The following ACAD11 variants were observed in gnomAD, a reference collection of about 807,000 sequenced individuals.
ACAD11 encodes the protein acyl-CoA dehydrogenase family member 11.
A neutral mutation model predicts 102.2 loss-of-function variants in ACAD11; 83 were observed. The observed-to-expected ratio is 0.81, with a 90% CI of 0.68 to 0.97. ACAD11 has a LOEUF of 0.97. ACAD11 is among the 50% of genes least tolerant of loss of function. The pLI is 0.00. For synonymous variants in ACAD11, 324 were observed against 319.8 expected (o/e 1.01, Z -0.14); for missense variants, 901 against 951.7 (o/e 0.95, Z 0.70).
intron 14 of ACAD11, 93 bp from the exon 15 acceptor site, chr3:132,578,974 T>C: frequency 6.4e-7 from 1 of 1,557,540 alleles, no homozygotes; most frequent in Non-Finnish European, 8.7e-7. Context: ...TTTGATGTTT[T>C]CATGTAGTCA....
chr3:132,567,679 T>C (rs1937254819), intron 17 of ACAD11, among the ~76,000 whole-genome samples: 1 of 152,168 alleles, frequency 6.6e-6, no homozygotes, highest in Non-Finnish European at 1.5e-5. Flanking sequence ...CCAAACTATA[T>C]GTTATTTAGA....
chr3:132,653,138 G>A (rs1937616145), intron 1 of ACAD11, among the ~76,000 whole-genome samples: 1 of 152,158 alleles, frequency 6.6e-6, no homozygotes, highest in African/African-American at 2.4e-5. Context: ...TCAAATTCAT[G>A]ACCTCAGCAA....
chr3:132,589,837 G>T (rs1200391666), intron 13 of ACAD11, among the ~76,000 whole-genome samples: 1 of 152,126 alleles, frequency 6.6e-6, no homozygotes, highest in Admixed American at 6.5e-5. Context: ...GTACCCAATT[G>T]TTATCTTTTC....
chr3:132,577,877 GT>G (rs1428774806), intron 15 of ACAD11, among the ~76,000 whole-genome samples: 1 of 152,102 alleles, frequency 6.6e-6, no homozygotes, highest in Non-Finnish European at 1.5e-5. Flanking sequence ...CTTTGCGGCC[GT>G]TTCGCTGCAA....
chr3:132,583,409 T>G (rs889312383), intron 13 of ACAD11, among the ~76,000 whole-genome samples: 16 of 152,198 alleles, frequency 1.1e-4, no homozygotes, highest in Admixed American at 1.3e-4. Context: ...CCCTTTATCA[T>G]TTTTTATTGC....
At position 132,558,154 on chromosome 3, in the gene ACAD11, T is replaced by G. The variant is rs1161546370; in HGVS notation, c.*817A>C. On this transcript the variant is annotated 3_prime_UTR_variant, in exon 20 of 20. Transcript: ENST00000264990. Reference sequence around the variant, plus strand: ...ATTACAAAATTGTAAGGACCAGATATAGCCTTTAATTCCTAATGTTCAAAA... The same window carrying G: ...ATTACAAAATTGTAAGGACCAGATAGAGCCTTTAATTCCTAATGTTCAAAA... 1 of 152,126 alleles carries G rather than the reference T, an allele frequency of 6.6e-6. No homozygotes were observed. The highest frequency in any genetic ancestry group is 2.4e-5 in the African/African-American group (1 of 41,460). The allele number at this position is 152,126 out of a possible 1,614,324, so 9.4% of individuals were successfully genotyped here.
chr3:132,618,765 G>A lies in ACAD11; in HGVS notation c.1283C>T (p.Ala428Val), dbSNP rs764239731. 6.3e-7 allele frequency: 1 copy of A among 1,588,874 alleles called. No individual in the cohort carries two copies. The highest frequency in any genetic ancestry group is 1.2e-5 in the South Asian group (1 of 86,412). Residue 428 changes from alanine to valine, a missense_variant, in exon 11 of 20, where the codon GCC becomes GTC. By Grantham distance (64) the Ala-to-Val change is moderately conservative (BLOSUM62 0). Coordinates refer to ENST00000264990, the MANE Select transcript of ACAD11 (RefSeq NM_032169.5). ...PLVIDKLKEM[A>V]KVEGLWNLFL... The stretch of plus-strand genomic sequence containing the variant: ...CAAGTTCCAGAGACCCTCGACTTTG[G>A]CCATTTCCTGTCAAGGTGATGAACA...
intron 5 of ACAD11, among the ~76,000 whole-genome samples, chr3:132,638,480 G>A (rs1940357770): frequency 6.6e-6 from 1 of 152,132 alleles, no homozygotes; most frequent in South Asian, 2.1e-4. Flanking sequence ...TTATGAGATG[G>A]AAATAGTTGC....
chr3:132,604,461 T>C (rs748929889), intron 12 of ACAD11, among the ~76,000 whole-genome samples: 9 of 152,216 alleles, frequency 5.9e-5, no homozygotes, highest in Non-Finnish European at 8.8e-5. Context: ...ATGTATGCTA[T>C]GTTATACAAA....
At chr3:132,609,246 C>G (rs972879004) in intron 11 of ACAD11, among the ~76,000 whole-genome samples, 1 of 151,898 alleles carries the variant, frequency 6.6e-6, no homozygotes, top group Non-Finnish European at 1.5e-5. Flanking sequence ...AGAAGCAAGC[C>G]AAACAAATTC....
chr3:132,636,792 G>A (rs918150401), intron 5 of ACAD11, among the ~76,000 whole-genome samples: 7 of 152,080 alleles, frequency 4.6e-5, no homozygotes, highest in Admixed American at 4.6e-4. Context: ...GGACGAAAAT[G>A]TCTTCAACAA....
At chr3:132,574,193 A>G (rs1421757182) in intron 17 of ACAD11, among the ~76,000 whole-genome samples, 1 of 152,154 alleles carries the variant, frequency 6.6e-6, no homozygotes, top group Non-Finnish European at 1.5e-5. Flanking sequence ...TGTCGACTTT[A>G]CTGTGTCCTC....
chr3:132,580,823 G>A (rs1430732776), intron 13 of ACAD11, among the ~76,000 whole-genome samples: 1 of 151,850 alleles, frequency 6.6e-6, no homozygotes, highest in Non-Finnish European at 1.5e-5. Flanking sequence ...TCTTAAGTGT[G>A]AATAGAAAAC....
chr3:132,579,142 T>C, intron 14 of ACAD11: 1 of 1,154,358 alleles, frequency 8.7e-7, no homozygotes, highest in East Asian at 3.3e-5. Flanking sequence ...GGAACTTATA[T>C]ATATAATTAA....
At chr3:132,568,606 A>G (rs955885181) in intron 17 of ACAD11, among the ~76,000 whole-genome samples, 8 of 152,216 alleles carry the variant, frequency 5.3e-5, no homozygotes, top group Non-Finnish European at 1.0e-4. Context: ...AAGACTGACT[A>G]TGTAACCACA....
chr3:132,575,045 C>T (rs1189714964), intron 17 of ACAD11, among the ~76,000 whole-genome samples: 1 of 151,950 alleles, frequency 6.6e-6, no homozygotes, highest in African/African-American at 2.4e-5. Context: ...CGGGGTTTCA[C>T]CATGTTGCCC....
intron 15 of ACAD11, among the ~76,000 whole-genome samples, chr3:132,577,230 T>C (rs1937536568): frequency 6.6e-6 from 1 of 152,128 alleles, no homozygotes; most frequent in Non-Finnish European, 1.5e-5. Context: ...TTGATCCAGA[T>C]GTTTTCTAAT....
At chr3:132,627,908 C>T (rs539141422) in intron 8 of ACAD11, among the ~76,000 whole-genome samples, 2 of 152,260 alleles carry the variant, frequency 1.3e-5, no homozygotes, top group African/African-American at 4.8e-5. Context: ...TGAAAAAGTG[C>T]TCTGCTGATG....
intron 18 of ACAD11, among the ~76,000 whole-genome samples, chr3:132,560,749 A>C (rs1226446123): frequency 6.6e-6 from 1 of 152,088 alleles, no homozygotes; most frequent in African/African-American, 2.4e-5. Flanking sequence ...TCTTCACAAC[A>C]ACCCTAGGCC....
Sources: allele counts gnomAD v4.1 joint callset (sites outside exome capture counted in the v4.1 genomes callset), GRCh38; gene constraint gnomAD v4.1.1; transcripts MANE v1.5; gene names NCBI Gene and HGNC (gene_info 2026-07-23, HGNC 2026-07-21).